AKAP6: variants seen among roughly 807,000 people sequenced by gnomAD.
AKAP6 encodes the protein A-kinase anchor protein 6.
AKAP6 carries 58 observed loss-of-function variants against 188.5 expected under a neutral mutation model. That is an observed-to-expected ratio of 0.31 (90% CI 0.25 to 0.38). The LOEUF is 0.38. Among genes scored for constraint, AKAP6 ranks in the 10% least tolerant of loss-of-function variants. AKAP6 has a pLI of 1.00. For synonymous variants in AKAP6, 989 were observed against 998.6 expected, an observed-to-expected ratio of 0.99 and a Z score of 0.18; for missense variants, 2,710 against 2,740.0, an observed-to-expected ratio of 0.99 and a Z score of 0.24.
chr14:32,669,315 A>T (rs551521426), intron 7 of AKAP6, among the ~76,000 whole-genome samples: 1 of 152,340 alleles, frequency 6.6e-6, no homozygotes, highest in East Asian at 1.9e-4. Context: ...TCCATGCAGG[A>T]CTAGAAGAAC....
At chr14:32,647,460 T>G (rs193225699) in intron 7 of AKAP6, among the ~76,000 whole-genome samples, 6 of 152,208 alleles carry the variant, frequency 3.9e-5, no homozygotes, top group Admixed American at 2.6e-4. Context: ...CACTTTCACT[T>G]TTTGCAGTCT....
In AKAP6 at chr14:32,599,455, G is replaced by A; in HGVS notation, c.2515G>A (p.Val839Met). ...CAGTCATTGTGCTCTCAAGGAAGCT[G>A]TGGAGGAGGAAGGACACCAACTTCT... ...VDSHCALKEA[V>M]EEEGHQLLEL... The change falls in exon 6 of 14, where the codon GTG becomes ATG. Residue 839 changes from valine to methionine, a missense_variant. This residue lies in a region of AKAP6 where 2,473 missense variants were observed against 2,426.1 expected (regional missense o/e 1.02). Transcript: ENST00000280979. The A allele has an allele frequency of 1.2e-6, 2 of 1,613,508 alleles. No individual in the cohort carries two copies. The highest frequency in any genetic ancestry group is 1.7e-6 in the Non-Finnish European group (2 of 1,179,620).
chr14:32,697,063 T>C (rs1247231636), intron 9 of AKAP6, among the ~76,000 whole-genome samples: 1 of 152,154 alleles, frequency 6.6e-6, no homozygotes, highest in African/African-American at 2.4e-5. Flanking sequence ...TACCTTCTAG[T>C]TTTTAAAAAT....
At chr14:32,440,255 G>A (rs1353286464) in intron 2 of AKAP6, among the ~76,000 whole-genome samples, 1 of 151,468 alleles carries the variant, frequency 6.6e-6, no homozygotes. Flanking sequence ...TATTATTGAT[G>A]GACTCATAGG....
At chr14:32,796,513 C>T (rs924854836) in intron 12 of AKAP6, among the ~76,000 whole-genome samples, 2 of 152,120 alleles carry the variant, frequency 1.3e-5, no homozygotes, top group African/African-American at 2.4e-5. Flanking sequence ...ACAAACCTGA[C>T]AAAAAGCAGC....
intron 2 of AKAP6, among the ~76,000 whole-genome samples, chr14:32,468,679 T>C (rs1365375503): frequency 6.6e-6 from 1 of 152,066 alleles, no homozygotes; most frequent in Non-Finnish European, 1.5e-5. Flanking sequence ...TTGTCCTCCC[T>C]CCTCCCATCT....
chr14:32,427,202 T>C (rs1890063958), intron 1 of AKAP6, among the ~76,000 whole-genome samples: 1 of 152,178 alleles, frequency 6.6e-6, no homozygotes, highest in Admixed American at 6.5e-5. Flanking sequence ...TGGCCTGTTA[T>C]TGCAAGAGGA....
intron 11 of AKAP6, among the ~76,000 whole-genome samples, chr14:32,747,684 A>C (rs914436305): frequency 2.6e-5 from 4 of 152,200 alleles, no homozygotes; most frequent in Non-Finnish European, 5.9e-5. Context: ...ATTCAAAGGT[A>C]GATTTAATAT....
At chr14:32,616,695 A>G (rs1355344815) in intron 7 of AKAP6, among the ~76,000 whole-genome samples, 1 of 152,146 alleles carries the variant, frequency 6.6e-6, no homozygotes, top group Non-Finnish European at 1.5e-5. Context: ...AACAAACCCC[A>G]ATAACAGGTT....
chr14:32,520,924 C>T (rs1319410187), intron 2 of AKAP6, among the ~76,000 whole-genome samples: 1 of 152,234 alleles, frequency 6.6e-6, no homozygotes, highest in East Asian at 1.9e-4. Context: ...TGATGAACAT[C>T]AATGCAAAAA....
intron 2 of AKAP6, among the ~76,000 whole-genome samples, chr14:32,528,926 C>A (rs1466216905): frequency 1.3e-5 from 2 of 152,172 alleles, no homozygotes; most frequent in Non-Finnish European, 2.9e-5. Flanking sequence ...GATCCACCTG[C>A]CTCAGCCTCC....
chr14:32,431,029 C>T (rs191577579), intron 1 of AKAP6, among the ~76,000 whole-genome samples: 1 of 151,612 alleles, frequency 6.6e-6, no homozygotes, highest in Non-Finnish European at 1.5e-5. Context: ...GGCGTGAACC[C>T]GGGAGGCAGA....
rs1431430733 is a variant in AKAP6 at position 32,484,840 on chromosome 14, T to C, written c.325-50714T>C. ...AAAATGGCTGAGTGAAGCATTGGAC[T>C]GTAAATCTAAAGACAGGGGCTAAGC... is the stretch of plus-strand genomic sequence containing the variant. On this transcript the variant is annotated intron_variant, in intron 2 of 13. Transcript: ENST00000280979. 2 of 220,106 alleles carry C rather than the reference T, an allele frequency of 9.1e-6. 1 individual carries two copies. Among genetic ancestry groups the C allele is most frequent in the East Asian group, 4.7e-4 (2 of 4,262 alleles). The allele number at this position is 220,106 out of a possible 1,614,324, so 13.6% of individuals were successfully genotyped here.
intron 8 of AKAP6, among the ~76,000 whole-genome samples, chr14:32,685,193 G>T (rs1365779028): frequency 6.6e-6 from 1 of 152,132 alleles, no homozygotes; most frequent in East Asian, 1.9e-4. Context: ...GAGCCCAGGA[G>T]GTTGAGGCTG....
chr14:32,592,213 G>A (rs943232467), intron 5 of AKAP6, among the ~76,000 whole-genome samples: 1 of 152,106 alleles, frequency 6.6e-6, no homozygotes, highest in African/African-American at 2.4e-5. Flanking sequence ...TGTGTGCCAG[G>A]CACTGTCCTA....
chr14:32,703,517 CAAT>C (rs1213898341), intron 9 of AKAP6, among the ~76,000 whole-genome samples: 2 of 152,164 alleles, frequency 1.3e-5, no homozygotes, highest in African/African-American at 4.8e-5. Flanking sequence ...GACGACTTGG[CAAT>C]AATAATGCCA....
chr14:32,746,700 C>G (rs1381069852), intron 11 of AKAP6, among the ~76,000 whole-genome samples: 1 of 152,134 alleles, frequency 6.6e-6, no homozygotes, highest in Non-Finnish European at 1.5e-5. Flanking sequence ...GTAACTTACT[C>G]AAGGTCATAA....
intron 7 of AKAP6, among the ~76,000 whole-genome samples, chr14:32,662,495 G>A (rs566808440): frequency 6.6e-6 from 1 of 152,218 alleles, no homozygotes; most frequent in South Asian, 2.1e-4. Flanking sequence ...AGATTTGTCT[G>A]ATTGTCTCCT....
At chr14:32,750,114 A>G (rs998819116) in intron 11 of AKAP6, among the ~76,000 whole-genome samples, 4 of 152,180 alleles carry the variant, frequency 2.6e-5, no homozygotes, top group African/African-American at 7.2e-5. Flanking sequence ...TAGCAATACC[A>G]CAAAGCTTAT....
Sources: gnomAD v4.1 joint callset for allele counts (sites outside exome capture counted in the v4.1 genomes callset) on GRCh38, gnomAD v4.1.1 for gene constraint, gnomAD v4.1.1 regional missense constraint, MANE v1.5 for transcripts, NCBI Gene and HGNC (gene_info 2026-07-23, HGNC 2026-07-21) for gene names.